NRXN1: variants seen among roughly 807,000 people sequenced by gnomAD.
NRXN1 encodes the protein neurexin-1.
A neutral mutation model predicts 150.9 loss-of-function variants in NRXN1; 39 were observed. That is an observed-to-expected ratio of 0.26 (90% CI 0.20 to 0.34). The LOEUF is 0.34. Among genes scored for constraint, NRXN1 ranks in the 10% least tolerant of loss-of-function variants. The pLI, the probability that NRXN1 is intolerant of heterozygous loss-of-function variation, is 1.00. For missense variants in NRXN1, 1,815 were observed against 1,949.9 expected, an observed-to-expected ratio of 0.93 and a Z score of 1.30; for synonymous variants, 924 against 757.0, an observed-to-expected ratio of 1.22 and a Z score of -3.62.
rs116271155 is a variant in NRXN1, at chr2:50,263,022, T to C, written c.3365-26052A>G. ...TTTCACATCATGGAATAGAAACTCA[T>C]GTTTTCTTCTGAGTTACATGACAGT... On this transcript the variant is annotated intron_variant, in intron 17 of 22. Coordinates refer to ENST00000401669, the MANE Select transcript of NRXN1 (RefSeq NM_001330078.2). Among the ~76,000 whole-genome samples the C allele has an allele frequency of 3.7e-3, 557 of 152,086 alleles. 4 individuals are homozygous for C. The highest frequency in any genetic ancestry group is 0.013 in the African/African-American group (523 of 41,544).
At chr2:50,125,456 C>A (rs1250016026) in intron 18 of NRXN1, among the ~76,000 whole-genome samples, 1 of 151,998 alleles carries the variant, frequency 6.6e-6, no homozygotes, top group Non-Finnish European at 1.5e-5. Flanking sequence ...CAGGGCCCAA[C>A]AGGATATGAA....
intron 17 of NRXN1, among the ~76,000 whole-genome samples, chr2:50,376,331 A>G (rs911036426): frequency 1.3e-5 from 2 of 151,396 alleles, no homozygotes; most frequent in South Asian, 2.1e-4. Flanking sequence ...TTTGTGTTCT[A>G]TTGGCTTACT....
chr2:50,554,630 C>T (rs1216380479), intron 8 of NRXN1: 2 of 152,110 alleles, frequency 1.3e-5, no homozygotes, highest in Non-Finnish European at 2.9e-5. Flanking sequence ...ACGTAAAATA[C>T]ATGATAATAA....
chr2:49,951,897 T>G lies in NRXN1; in HGVS notation c.4129-8106A>C, dbSNP rs115031841. On this transcript the variant is annotated intron_variant, in intron 21 of 22. Transcript: ENST00000401669. ...CCAGACTTTATGATTGCAAAATGCC[T>G]ATGATGGATAATTTCAACTAGCATG... Among the ~76,000 whole-genome samples, 865 of 152,114 alleles carry G rather than the reference T, an allele frequency of 5.7e-3. 5 individuals carry two copies. Among genetic ancestry groups the G allele is most frequent in the Non-Finnish European group, 0.011 (719 of 67,902 alleles).
chr2:50,805,987 T>C lies in NRXN1; in HGVS notation c.832+115882A>G, dbSNP rs1380874652. On this transcript the variant is annotated intron_variant, in intron 5 of 22. Transcript: ENST00000401669. The stretch of plus-strand genomic sequence containing the variant: ...AAGCTGACTTATTTCCCAGACATAT[T>C]CATCCTTTAAGTACGCAAAAATGAC... Among the ~76,000 whole-genome samples, 3 of 152,320 alleles carry C rather than the reference T, an allele frequency of 2.0e-5. No individual in the cohort carries two copies. The East Asian group carries it at 5.8e-4, about 29-fold the overall frequency.
chr2:50,575,082 TTAAAGA>T (rs1186697544), intron 8 of NRXN1, among the ~76,000 whole-genome samples: 3 of 152,218 alleles, frequency 2.0e-5, no homozygotes, highest in East Asian at 3.9e-4. Context: ...ATGAGGTGTT[TTAAAGA>T]TAATTTCTAA....
In NRXN1 at chr2:50,847,970, C is replaced by T. The variant is rs1335998164; in HGVS notation, c.832+73899G>A. Among the ~76,000 whole-genome samples, 5 of 152,254 alleles carry T rather than the reference C, an allele frequency of 3.3e-5. No homozygotes were observed. The East Asian group carries it at 9.7e-4, about 29-fold the overall frequency. On this transcript the variant is annotated intron_variant, in intron 5 of 22. Coordinates refer to ENST00000401669, the MANE Select transcript of NRXN1 (RefSeq NM_001330078.2). ...TCATTCTCCTAGCCCACATATGATC[C>T]GATTCTTCTGGCACACCAAGGCAAG...
intron 15 of NRXN1, among the ~76,000 whole-genome samples, chr2:50,480,720 T>C (rs11892200): frequency 0.56 from 84,393 of 152,022 alleles, 23,796 homozygotes; most frequent in Middle Eastern, 0.6. Flanking sequence ...TGGCTCCTTG[T>C]CAGCCACAGG....
chr2:49,985,902 C>T (rs1323272417), intron 21 of NRXN1, among the ~76,000 whole-genome samples: 1 of 152,160 alleles, frequency 6.6e-6, no homozygotes, highest in Non-Finnish European at 1.5e-5. Context: ...TCGATGGGGC[C>T]ATACCAATAT....
chr2:50,363,950 T>C (rs1422263518), intron 17 of NRXN1, among the ~76,000 whole-genome samples: 1 of 152,148 alleles, frequency 6.6e-6, no homozygotes, highest in African/African-American at 2.4e-5. Context: ...GGGACAGGGA[T>C]GTAGCTGGAA....
In NRXN1 at chr2:50,908,749, C is replaced by G. The variant is rs141882581; in HGVS notation, c.832+13120G>C. Reference sequence around the variant, plus strand: ...TTAATACGCTGACTGGAAGTGGGTCCTTTAGGAGGTAATTAGGATTAGATA... The same window carrying G: ...TTAATACGCTGACTGGAAGTGGGTCGTTTAGGAGGTAATTAGGATTAGATA... On this transcript the variant is annotated intron_variant, in intron 5 of 22. Coordinates refer to ENST00000401669, the MANE Select transcript of NRXN1 (RefSeq NM_001330078.2). Among the ~76,000 whole-genome samples the G allele has an allele frequency of 8.0e-4, 122 of 151,996 alleles. 1 individual carries two copies. The East Asian group carries it at 0.015, about 19-fold the overall frequency.
intron 17 of NRXN1, among the ~76,000 whole-genome samples, chr2:50,312,535 G>A (rs189546927): frequency 1.3e-5 from 2 of 151,566 alleles, no homozygotes; most frequent in Non-Finnish European, 2.9e-5. Flanking sequence ...CATTTTCAAC[G>A]CATTTTTATT....
At chr2:50,853,855 T>G (rs1674879765) in intron 5 of NRXN1, among the ~76,000 whole-genome samples, 1 of 152,252 alleles carries the variant, frequency 6.6e-6, no homozygotes, top group South Asian at 2.1e-4. Context: ...ATTCTCATAA[T>G]TAAAGAGAAA....
chr2:50,221,164 GACAA>G (rs2063855505), intron 18 of NRXN1, among the ~76,000 whole-genome samples: 1 of 140,994 alleles, frequency 7.1e-6, no homozygotes, highest in Non-Finnish European at 1.6e-5. Flanking sequence ...GTATCGTGAA[GACAA>G]ACAACCTGTT....
chr2:50,107,541 T>TA (rs113045952), intron 18 of NRXN1, among the ~76,000 whole-genome samples: 24,200 of 111,176 alleles, frequency 0.22, 2,458 homozygotes, highest in Middle Eastern at 0.28. Context: ...ATATATATAT[T>TA]TTTTTTTTTT....
At chr2:50,461,580 T>C (rs1454171100) in intron 17 of NRXN1, among the ~76,000 whole-genome samples, 1 of 151,948 alleles carries the variant, frequency 6.6e-6, no homozygotes, top group East Asian at 1.9e-4. Context: ...GGTGGACGAA[T>C]GTGTAAGTAT....
chr2:50,083,641 C>G (rs556624627), intron 19 of NRXN1, among the ~76,000 whole-genome samples: 1 of 152,308 alleles, frequency 6.6e-6, no homozygotes, highest in African/African-American at 2.4e-5. Flanking sequence ...CTTTTATTCT[C>G]TTATCTGGCC....
At chr2:50,473,921 T>A (rs932354390) in intron 15 of NRXN1, among the ~76,000 whole-genome samples, 2 of 151,980 alleles carry the variant, frequency 1.3e-5, no homozygotes, top group Non-Finnish European at 2.9e-5. Context: ...AATAGAGGAA[T>A]CATGTGGCAT....
intron 5 of NRXN1, among the ~76,000 whole-genome samples, chr2:50,895,477 T>C (rs1030487652): frequency 7.2e-5 from 11 of 152,188 alleles, no homozygotes; most frequent in African/African-American, 2.4e-4. Flanking sequence ...GGTGGTCTAG[T>C]TAACTATATT....
Sources: allele counts gnomAD v4.1 joint callset (sites outside exome capture counted in the v4.1 genomes callset), GRCh38; gene constraint gnomAD v4.1.1; transcripts MANE v1.5; gene names NCBI Gene and HGNC (gene_info 2026-07-23, HGNC 2026-07-21).